TCF4: variants seen among roughly 807,000 people sequenced by gnomAD.
TCF4 encodes transcription factor 4.
A neutral mutation model predicts 82.1 loss-of-function variants in TCF4; 3 were observed. That is an observed-to-expected ratio of 0.04 (90% CI 0.02 to 0.09). The LOEUF (loss-of-function observed/expected upper bound fraction) is 0.09. Ranked by LOEUF, TCF4 falls within the 10% of genes least tolerant of loss-of-function variation. The pLI is 1.00. For missense variants in TCF4, 518 were observed against 852.7 expected (o/e 0.61, Z 4.89); for synonymous variants, 276 against 309.6 (o/e 0.89, Z 1.14).
upstream of TCF4, among the ~76,000 whole-genome samples, chr18:55,592,930 G>T (rs1269994693): frequency 6.6e-6 from 1 of 152,186 alleles, no homozygotes; most frequent in Non-Finnish European, 1.5e-5. Context: ...GAGGAGTCCA[G>T]TATTCCCTGT....
At chr18:55,355,727 TTACAAAGACCAAGATATCTTGCAAATCA>T (rs1448956379) in intron 6 of TCF4, among the ~76,000 whole-genome samples, 1 of 152,150 alleles carries the variant, frequency 6.6e-6, no homozygotes, top group Non-Finnish European at 1.5e-5. Flanking sequence ...CTTGGGTAAC[TTACAAAGACCAAGATATCTTGCAAATCA>T]GGGACTTAAA....
chr18:55,280,143 C>G (rs1429593346), intron 8 of TCF4, among the ~76,000 whole-genome samples: 1 of 152,094 alleles, frequency 6.6e-6, no homozygotes, highest in East Asian at 1.9e-4. Context: ...AATGAACTAT[C>G]CAAACCACAG....
At chr18:55,372,904 A>C (rs758896874) in intron 6 of TCF4, among the ~76,000 whole-genome samples, 3 of 152,214 alleles carry the variant, frequency 2.0e-5, no homozygotes, top group Non-Finnish European at 4.4e-5. Flanking sequence ...GAGATATATA[A>C]TTTGAAATAT....
chr18:55,355,790 C>A (rs1398622120), intron 6 of TCF4, among the ~76,000 whole-genome samples: 2 of 152,168 alleles, frequency 1.3e-5, no homozygotes, highest in African/African-American at 4.8e-5. Flanking sequence ...CAGAGAAATA[C>A]AAATTACTGA....
chr18:55,254,788 CA>C, intron 14 of TCF4, 88 bp from the exon 15 acceptor site: 2 of 1,153,930 alleles, frequency 1.7e-6, no homozygotes, highest in Non-Finnish European at 2.5e-6. Context: ...ACAAAAAACA[CA>C]CTGTGTTTCT....
At chr18:55,362,535 G>A (rs372932397) in intron 6 of TCF4, among the ~76,000 whole-genome samples, 4 of 151,850 alleles carry the variant, frequency 2.6e-5, no homozygotes, top group Non-Finnish European at 5.9e-5. Context: ...AATCCATTCC[G>A]AACTTGCTTA....
At chr18:55,530,563 G>T (rs138886352) in intron 3 of TCF4, among the ~76,000 whole-genome samples, 1 of 137,024 alleles carries the variant, frequency 7.3e-6, no homozygotes, top group South Asian at 2.2e-4. Context: ...CCCTGAAAAG[G>T]GGGGGGGAAA....
intron 8 of TCF4, among the ~76,000 whole-genome samples, chr18:55,331,312 G>A (rs2077529541): frequency 6.6e-6 from 1 of 152,156 alleles, no homozygotes; most frequent in Admixed American, 6.5e-5. Flanking sequence ...TTCCAGATAA[G>A]GACTATATTC....
intron 3 of TCF4, among the ~76,000 whole-genome samples, chr18:55,524,534 TTATTGATTAAGTAATCAA>T (rs1230700435): frequency 2.0e-5 from 3 of 152,346 alleles, no homozygotes; most frequent in Non-Finnish European, 2.9e-5. Context: ...AAGACCATGA[TTATTGATTAAGTAATCAA>T]TATTGATTAA....
At chr18:55,585,708 G>T in intron 2 of TCF4, 1 of 1,080,204 alleles carries the variant, frequency 9.3e-7, no homozygotes. Context: ...AAGTTGTTTT[G>T]TTTTATATTG....
intron 5 of TCF4, among the ~76,000 whole-genome samples, chr18:55,424,262 C>A (rs1027809382): frequency 6.6e-6 from 1 of 152,156 alleles, no homozygotes; most frequent in African/African-American, 2.4e-5. Context: ...ACATGAGACT[C>A]TAGTTACCCA....
chr18:55,498,520 C>G (rs1462855943), intron 3 of TCF4, among the ~76,000 whole-genome samples: 1 of 152,182 alleles, frequency 6.6e-6, no homozygotes, highest in African/African-American at 2.4e-5. Context: ...GAGCGTGAGA[C>G]CAACCATCAG....
intron 3 of TCF4, among the ~76,000 whole-genome samples, chr18:55,528,503 G>A (rs1045251206): frequency 6.6e-6 from 1 of 152,132 alleles, no homozygotes; most frequent in African/African-American, 2.4e-5. Flanking sequence ...TACATTATTA[G>A]TGATTTCTAA....
chr18:55,582,192 G>T (rs1428531271), intron 3 of TCF4, among the ~76,000 whole-genome samples: 2 of 152,048 alleles, frequency 1.3e-5, no homozygotes, highest in African/African-American at 4.8e-5. Context: ...CTCTTTAGAT[G>T]ATTTTCTTTT....
chr18:55,438,307 T>C (rs1388957896), intron 5 of TCF4, among the ~76,000 whole-genome samples: 1 of 146,962 alleles, frequency 6.8e-6, no homozygotes, highest in Non-Finnish European at 1.5e-5. Context: ...CACTCAGCCA[T>C]TGAGGTGGGG....
At chr18:55,297,554 G>A (rs895698957) in intron 8 of TCF4, among the ~76,000 whole-genome samples, 1 of 152,160 alleles carries the variant, frequency 6.6e-6, no homozygotes, top group Non-Finnish European at 1.5e-5. Context: ...AGAGAGGAAA[G>A]TAGTTAGCTC....
chr18:55,431,708 T>C (rs1394070878), intron 5 of TCF4, among the ~76,000 whole-genome samples: 1 of 152,112 alleles, frequency 6.6e-6, no homozygotes, highest in South Asian at 2.1e-4. Flanking sequence ...GAAAAAAAGA[T>C]GAGTTGGACC....
At chr18:55,291,764 T>C (rs1272424720) in intron 8 of TCF4, among the ~76,000 whole-genome samples, 2 of 152,236 alleles carry the variant, frequency 1.3e-5, no homozygotes, top group East Asian at 3.8e-4. Flanking sequence ...AATATTTCAC[T>C]AATTTAACTC....
At chr18:55,264,930 C>T (rs1056486441) in intron 11 of TCF4, 5 of 152,260 alleles carry the variant, frequency 3.3e-5, no homozygotes, top group Admixed American at 2.0e-4. Flanking sequence ...TTCGACACTG[C>T]CTGCCACCCA....
Sources: allele counts gnomAD v4.1 joint callset (sites outside exome capture counted in the v4.1 genomes callset), GRCh38; gene constraint gnomAD v4.1.1; transcripts MANE v1.5; gene names NCBI Gene and HGNC (gene_info 2026-07-23, HGNC 2026-07-21).